The following WDR44 variants were observed in gnomAD, a reference collection of about 807,000 sequenced individuals.
WDR44 encodes WD repeat domain 44.
A neutral mutation model predicts 65.7 loss-of-function variants in WDR44; 9 were observed. The ratio of observed to expected loss-of-function variants is 0.14; its 90% CI spans 0.08 to 0.24. The LOEUF is 0.24. WDR44 is among the 10% of genes least tolerant of loss of function. The pLI is 1.00. For missense variants in WDR44, 425 were observed against 670.9 expected (o/e 0.63, Z 4.05); for synonymous variants, 220 against 235.2 (o/e 0.94, Z 0.59).
At chrX:118,440,498 G>T (rs983202994) in intron 14 of WDR44, among the ~76,000 whole-genome samples, 5 of 111,229 alleles carry the variant, frequency 4.5e-5, no homozygotes, top group Non-Finnish European at 1.9e-5. Context: ...TGGTTTTGGG[G>T]GCCACTAACT....
In WDR44 at chrX:118,407,442, G is replaced by T. The variant is rs193245145; in HGVS notation, c.1533+416G>T. 9.1e-3 allele frequency among the ~76,000 whole-genome samples: 983 copies of T among 108,618 alleles called. 20 individuals carry two copies. The highest frequency in any genetic ancestry group is 0.032 in the African/African-American group (943 of 29,682). The allele number at this position is 108,618 out of a possible 115,157, so 94.3% of individuals were successfully genotyped here. On this transcript the variant is annotated intron_variant, in intron 10 of 19. Transcript: ENST00000254029. ...CTTGAACCCAGGAGGCAGAGGTTGT[G>T]GTGAGTCGAGTTTGTGCCACTGCAC...
At chrX:118,347,169 T>G (rs961266448) in intron 1 of WDR44, among the ~76,000 whole-genome samples, 3 of 111,557 alleles carry the variant, frequency 2.7e-5, no homozygotes, top group African/African-American at 9.8e-5. Flanking sequence ...TTTATTAAAA[T>G]AACACCTTAT....
At chrX:118,445,231 C>T (rs1301897832) in intron 19 of WDR44, among the ~76,000 whole-genome samples, 1 of 111,302 alleles carries the variant, frequency 9.0e-6, no homozygotes, top group African/African-American at 3.3e-5. Flanking sequence ...GGAGGCAGAG[C>T]TTGCAGTGAG....
At chrX:118,413,591 T>C (rs1372265134) in intron 12 of WDR44, among the ~76,000 whole-genome samples, 1 of 112,123 alleles carries the variant, frequency 8.9e-6, no homozygotes, top group Non-Finnish European at 1.9e-5. Flanking sequence ...AGTTAGTCCT[T>C]AGTTGGATGT....
intron 14 of WDR44, among the ~76,000 whole-genome samples, chrX:118,438,800 T>TTTTTGTTTTG (rs2057277260): frequency 1.1e-5 from 1 of 94,985 alleles, no homozygotes; most frequent in African/African-American, 3.9e-5. Context: ...CAGCCATGTT[T>TTTTTGTTTTG]TTTTTTTTTT....
Position 118,409,604 on chromosome X carries a change from T to C in WDR44, c.1649T>C (p.Met550Thr). 1.7e-6 allele frequency: 2 copies of C among 1,200,552 alleles called. No homozygotes were observed. The highest frequency in any genetic ancestry group is 3.0e-5 in the East Asian group (1 of 33,538). Reference protein sequence around the residue: ...LKNAFDYFNNMRMKYNTEGRV... With the variant: ...LKNAFDYFNNTRMKYNTEGRV... ...AATGCTTTTGACTATTTCAACAATA[T>C]GCGAATGAAATACAATACTGAAGGT... The change falls in exon 11 of 20, where the codon ATG becomes ACG. Residue 550 changes from methionine to threonine, a missense_variant. Physicochemically the swap from Met to Thr is moderately conservative, Grantham distance 81. This residue lies in a region of WDR44 where 45 missense variants were observed against 50.0 expected (regional missense o/e 0.90). Coordinates refer to ENST00000254029, the MANE Select transcript of WDR44 (RefSeq NM_019045.5).
chrX:118,426,377 C>G (rs1445365372), intron 12 of WDR44, among the ~76,000 whole-genome samples: 1 of 111,359 alleles, frequency 9.0e-6, no homozygotes, highest in Non-Finnish European at 1.9e-5. Context: ...ACTCTTCTAT[C>G]TACTTTTGTA....
At chrX:118,380,151 A>G (rs1342907898) in intron 2 of WDR44, among the ~76,000 whole-genome samples, 1 of 111,800 alleles carries the variant, frequency 8.9e-6, no homozygotes, top group Non-Finnish European at 1.9e-5. Context: ...TTATAGATTC[A>G]CAGGAAGCTT....
chrX:118,415,024 A>G (rs1790599031), intron 12 of WDR44, among the ~76,000 whole-genome samples: 1 of 111,635 alleles, frequency 9.0e-6, no homozygotes. Context: ...TTTGTCATAG[A>G]TGGCTTTTAT....
At chrX:118,439,311 C>T (rs768884997) in intron 14 of WDR44, among the ~76,000 whole-genome samples, 3 of 108,445 alleles carry the variant, frequency 2.8e-5, no homozygotes, top group Non-Finnish European at 3.8e-5. Context: ...CGTGGTGGCT[C>T]ATGTCTGTAA....
intron 14 of WDR44, among the ~76,000 whole-genome samples, chrX:118,440,949 C>CTTTTTTTTTTT (rs1214126337): frequency 6.0e-5 from 3 of 50,357 alleles, no homozygotes; most frequent in African/African-American, 8.9e-5. Flanking sequence ...TAAATGAAAT[C>CTTTTTTTTTTT]TTTTTTTTTT....
At chrX:118,389,852 G>A (rs1011298740) in intron 3 of WDR44, among the ~76,000 whole-genome samples, 1 of 109,508 alleles carries the variant, frequency 9.1e-6, no homozygotes, top group African/African-American at 3.3e-5. Flanking sequence ...CTGGATTATA[G>A]GAATGCCTTA....
chrX:118,396,175 A>G (rs2056864336), intron 6 of WDR44, among the ~76,000 whole-genome samples: 1 of 112,128 alleles, frequency 8.9e-6, no homozygotes, highest in African/African-American at 3.2e-5. Flanking sequence ...TAAATTTTAC[A>G]GCAAAATCTT....
At chrX:118,407,119 C>A in intron 10 of WDR44, 93 bp downstream of exon 10, 1 of 877,673 alleles carries the variant, frequency 1.1e-6, no homozygotes, top group Non-Finnish European at 1.6e-6. Flanking sequence ...ATGTATGTAA[C>A]TTTGCTAGCC....
chrX:118,381,153 G>A (rs921468382), intron 2 of WDR44, among the ~76,000 whole-genome samples: 2 of 111,643 alleles, frequency 1.8e-5, no homozygotes, highest in Non-Finnish European at 3.8e-5. Context: ...CATATTATGT[G>A]TCAATTAAAA....
chrX:118,441,675 A>AAAT, intron 15 of WDR44, 116 bp downstream of exon 15: 1 of 567,878 alleles, frequency 1.8e-6, no homozygotes. Flanking sequence ...AAATAGAGAC[A>AAAT]AATAATACCA....
At chrX:118,402,637 A>G (rs911127935) in intron 8 of WDR44, among the ~76,000 whole-genome samples, 3 of 109,409 alleles carry the variant, frequency 2.7e-5, no homozygotes, top group African/African-American at 1.0e-4. Context: ...AATCCCAGCA[A>G]CTCAGAAGGC....
At chrX:118,377,074 A>T (rs1471809346) in intron 1 of WDR44, among the ~76,000 whole-genome samples, 3 of 110,854 alleles carry the variant, frequency 2.7e-5, no homozygotes, top group Admixed American at 9.6e-5. Context: ...AAATGAGCTG[A>T]GAGTGGTACA....
intron 1 of WDR44, among the ~76,000 whole-genome samples, chrX:118,352,352 A>AT (rs556374639): frequency 3.5e-4 from 5 of 14,221 alleles, no homozygotes; most frequent in Non-Finnish European, 5.1e-4. Context: ...ATATATATAT[A>AT]TTTTTTTTTT....
Sources: gnomAD v4.1 joint callset for allele counts (sites outside exome capture counted in the v4.1 genomes callset) on GRCh38, gnomAD v4.1.1 for gene constraint, gnomAD v4.1.1 regional missense constraint, MANE v1.5 for transcripts, NCBI Gene and HGNC (gene_info 2026-07-23, HGNC 2026-07-21) for gene names.